The following CACNA2D3 variants were observed in gnomAD, a reference collection of about 807,000 sequenced individuals.
The protein encoded by CACNA2D3 is calcium voltage-gated channel auxiliary subunit alpha2delta 3, also known as voltage-dependent calcium channel subunit alpha-2/delta-3.
A neutral mutation model predicts 160.6 loss-of-function variants in CACNA2D3; 60 were observed. That is an observed-to-expected ratio of 0.37 (90% CI 0.30 to 0.46). CACNA2D3 has a LOEUF of 0.46. Ranked by LOEUF, CACNA2D3 falls within the 20% of genes least tolerant of loss-of-function variation. The pLI, the probability that CACNA2D3 is intolerant of heterozygous loss-of-function variation, is 1.00. For synonymous variants in CACNA2D3, 558 were observed against 492.9 expected, an observed-to-expected ratio of 1.13 and a Z score of -1.75; for missense variants, 1,205 against 1,365.0, an observed-to-expected ratio of 0.88 and a Z score of 1.85.
At chr3:54,677,420 C>T (rs1700261629) in intron 11 of CACNA2D3, among the ~76,000 whole-genome samples, 1 of 152,106 alleles carries the variant, frequency 6.6e-6, no homozygotes, top group African/African-American at 2.4e-5. Context: ...ATCACCTGGA[C>T]TTATAAATGG....
At chr3:54,858,218 G>A (rs1283667775) in intron 17 of CACNA2D3, among the ~76,000 whole-genome samples, 1 of 152,126 alleles carries the variant, frequency 6.6e-6, no homozygotes, top group Non-Finnish European at 1.5e-5. Flanking sequence ...TGGGGGAAAT[G>A]AGCCTCAGCT....
At chr3:54,759,214 C>T (rs1702036146) in intron 12 of CACNA2D3, among the ~76,000 whole-genome samples, 1 of 152,118 alleles carries the variant, frequency 6.6e-6, no homozygotes, top group Non-Finnish European at 1.5e-5. Flanking sequence ...TTAATTGCTC[C>T]TTGGTAATTA....
intron 3 of CACNA2D3, among the ~76,000 whole-genome samples, chr3:54,334,441 G>A (rs1170604160): frequency 1.3e-5 from 2 of 152,188 alleles, no homozygotes; most frequent in African/African-American, 4.8e-5. Flanking sequence ...GGAAGGGAGT[G>A]AACTGGGCTT....
chr3:54,192,958 C>G (rs982197828), intron 2 of CACNA2D3, among the ~76,000 whole-genome samples: 1 of 152,128 alleles, frequency 6.6e-6, no homozygotes, highest in African/African-American at 2.4e-5. Flanking sequence ...TAACCGCAGC[C>G]CAGCACAGGC....
chr3:54,386,065 GA>G (rs1277976415), intron 3 of CACNA2D3: 1 of 427,576 alleles, frequency 2.3e-6, no homozygotes, highest in Non-Finnish European at 4.6e-6. Context: ...GGTTTCATAA[GA>G]ATATTAATGT....
chr3:54,811,121 C>T (rs766938526), intron 13 of CACNA2D3, among the ~76,000 whole-genome samples: 5 of 152,302 alleles, frequency 3.3e-5, no homozygotes, highest in East Asian at 1.9e-4. Context: ...GGCCTCCTCC[C>T]GGGACATGAG....
At chr3:54,546,521 A>G (rs1702067398) in intron 5 of CACNA2D3, among the ~76,000 whole-genome samples, 1 of 152,196 alleles carries the variant, frequency 6.6e-6, no homozygotes. Flanking sequence ...TAGAGCATGC[A>G]GAATGCCCGC....
intron 27 of CACNA2D3, among the ~76,000 whole-genome samples, chr3:54,923,950 G>A (rs1441481267): frequency 6.6e-6 from 1 of 152,234 alleles, no homozygotes; most frequent in Non-Finnish European, 1.5e-5. Context: ...GGGCATGGCT[G>A]TGTTCCAATA....
Position 54,386,789 on chromosome 3 carries a change from T to G in CACNA2D3, c.381+15T>G. Reference sequence around the variant, plus strand: ...CAGACTTACAGGTAACTGATTATAGTTTGAGTTAAATTGTTTTGTGTGTTT... The same window carrying G: ...CAGACTTACAGGTAACTGATTATAGGTTGAGTTAAATTGTTTTGTGTGTTT... On this transcript the variant is annotated intron_variant, in intron 4 of 37. Transcript: ENST00000474759. 1 of 1,580,956 alleles carries G rather than the reference T, an allele frequency of 6.3e-7. No individual in the cohort carries two copies. Among genetic ancestry groups the G allele is most frequent in the South Asian group, 1.2e-5 (1 of 86,788 alleles).
At chr3:54,374,824 G>A (rs1698982487) in intron 3 of CACNA2D3, among the ~76,000 whole-genome samples, 1 of 152,038 alleles carries the variant, frequency 6.6e-6, no homozygotes, top group South Asian at 2.1e-4. Context: ...CAGATGTTTT[G>A]TCTTCAATCT....
chr3:54,626,701 A>G (rs1437540329), intron 9 of CACNA2D3: 16 of 747,108 alleles, frequency 2.1e-5, no homozygotes, highest in Non-Finnish European at 3.6e-5. Context: ...AAAAAAAAAA[A>G]AAAAAAAAGA....
intron 35 of CACNA2D3, among the ~76,000 whole-genome samples, chr3:55,036,111 G>A (rs1475578599): frequency 6.6e-6 from 1 of 152,164 alleles, no homozygotes; most frequent in Admixed American, 6.5e-5. Flanking sequence ...ACCTGTGGGT[G>A]ATTACATTAA....
At chr3:54,790,115 C>G (rs1240887940) in intron 13 of CACNA2D3, among the ~76,000 whole-genome samples, 1 of 152,192 alleles carries the variant, frequency 6.6e-6, no homozygotes, top group African/African-American at 2.4e-5. Context: ...AACACAGGCC[C>G]TGGAGCCAGA....
intron 4 of CACNA2D3, among the ~76,000 whole-genome samples, chr3:54,499,587 A>G (rs1402576034): frequency 6.6e-6 from 1 of 152,028 alleles, no homozygotes; most frequent in East Asian, 1.9e-4. Flanking sequence ...GCTACATCCC[A>G]CACCTTTTGA....
chr3:54,350,285 T>C lies in CACNA2D3; in HGVS notation c.321+29727T>C, dbSNP rs146587995. ...TTACACAGTGTCATTTTAGTTCTTA[T>C]ATGTTTATTTAAATGGATATTTCAG... On this transcript the variant is annotated intron_variant, in intron 3 of 37. Transcript: ENST00000474759. Among the ~76,000 whole-genome samples the C allele has an allele frequency of 1.3e-3, 198 of 152,372 alleles. 1 individual carries two copies. The highest frequency in any genetic ancestry group is 4.5e-3 in the African/African-American group (186 of 41,596).
chr3:54,355,901 A>G (rs1698641401), intron 3 of CACNA2D3, among the ~76,000 whole-genome samples: 1 of 152,170 alleles, frequency 6.6e-6, no homozygotes, highest in South Asian at 2.1e-4. Context: ...ATGTGTAGCC[A>G]AGCTCTTCAC....
intron 31 of CACNA2D3, among the ~76,000 whole-genome samples, chr3:54,997,534 A>G (rs960186): frequency 0.8 from 120,728 of 150,538 alleles, 48,819 homozygotes; most frequent in East Asian, 0.9. Flanking sequence ...CAGCACGTGA[A>G]ACCTCATCTC....
At chr3:55,045,935 T>C (rs1704069152) in intron 35 of CACNA2D3, among the ~76,000 whole-genome samples, 3 of 152,032 alleles carry the variant, frequency 2.0e-5, no homozygotes, top group African/African-American at 7.2e-5. Flanking sequence ...TTGCTTTGAA[T>C]TTTACTCTTC....
chr3:54,972,005 A>T lies in CACNA2D3; in HGVS notation c.2556+2161A>T, dbSNP rs567856480. Among the ~76,000 whole-genome samples the T allele has an allele frequency of 1.4e-3, 218 of 151,648 alleles. 1 individual carries two copies. Among genetic ancestry groups the T allele is most frequent in the African/African-American group, 4.6e-3 (192 of 41,322 alleles). Reference sequence around the variant, plus strand: ...TTCAATAAATGTTGTTTATAAATTTAAAAAAAAACAAACTCTGAAGATGTT... The same window carrying T: ...TTCAATAAATGTTGTTTATAAATTTTAAAAAAAACAAACTCTGAAGATGTT... On this transcript the variant is annotated intron_variant, in intron 29 of 37. Coordinates refer to ENST00000474759, the MANE Select transcript of CACNA2D3 (RefSeq NM_018398.3).
Sources: allele counts gnomAD v4.1 joint callset (sites outside exome capture counted in the v4.1 genomes callset), GRCh38; gene constraint gnomAD v4.1.1; transcripts MANE v1.5; gene names NCBI Gene and HGNC (gene_info 2026-07-23, HGNC 2026-07-21).